Variants in HPRT1 observed in about 807,000 individuals in gnomAD.
HPRT1 encodes hypoxanthine-guanine phosphoribosyltransferase.
A neutral mutation model predicts 19.0 loss-of-function variants in HPRT1; 4 were observed. The ratio of observed to expected loss-of-function variants is 0.21; its 90% CI spans 0.10 to 0.48. The LOEUF (loss-of-function observed/expected upper bound fraction) is 0.48. Ranked by LOEUF, HPRT1 falls within the 20% of genes least tolerant of loss-of-function variation. HPRT1 has a pLI of 0.98. For missense variants in HPRT1, 65 were observed against 164.0 expected (o/e 0.40, Z 3.30); for synonymous variants, 53 against 54.9 (o/e 0.97, Z 0.15).
At chrX:134,465,990 C>T (rs17882760) in intron 1 of HPRT1, among the ~76,000 whole-genome samples, 120 of 110,235 alleles carry the variant, frequency 1.1e-3, no homozygotes, top group Non-Finnish European at 1.8e-3. Context: ...TGTCCTCCCA[C>T]ACCCCCCCCA....
At chrX:134,486,758 C>T (rs2077654466) in intron 4 of HPRT1, 1 of 342,809 alleles carries the variant, frequency 2.9e-6, no homozygotes, top group Non-Finnish European at 5.3e-6. Flanking sequence ...TGCTGTCTGC[C>T]TCTGTGGGAC....
chrX:134,460,347 C>A lies in HPRT1; in HGVS notation c.27+9C>A. 9.0e-7 allele frequency: 1 copy of A among 1,115,035 alleles called. No homozygotes were observed. The allele number at this position is 1,115,035 out of a possible 1,213,427, so 91.9% of individuals were successfully genotyped here. A position where few individuals can be genotyped will look rare whatever the true frequency, so the allele number is the denominator to read the frequency against. ...GCAGCCCTGGCGTCGTGGTGAGCAG[C>A]TCGGCCTGCCGGCCCTGGCCGGTTC... is the stretch of plus-strand genomic sequence containing the variant. On this transcript the variant is annotated intron_variant, in intron 1 of 8. Transcript: ENST00000298556.
chrX:134,491,008 A>G (rs371758118), intron 5 of HPRT1, among the ~76,000 whole-genome samples: 26 of 103,703 alleles, frequency 2.5e-4, no homozygotes, highest in South Asian at 2.2e-3. Context: ...CTCTCTATGT[A>G]TATATATATA....
At chrX:134,471,432 G>A (rs1384719347) in intron 1 of HPRT1, among the ~76,000 whole-genome samples, 1 of 111,227 alleles carries the variant, frequency 9.0e-6, no homozygotes, top group South Asian at 3.7e-4. Context: ...GACATACCAA[G>A]ACAACCAATA....
rs776530621 is a variant in HPRT1, at chrX:134,475,509, A to C, written c.318+145A>C. ...ACATATTCACTAGTACTTTACATCA[A>C]AGCCAATACTGTTTTTTTAAAACTA... is the stretch of plus-strand genomic sequence containing the variant. On this transcript the variant is annotated intron_variant, in intron 3 of 8. Coordinates refer to ENST00000298556, the MANE Select transcript of HPRT1 (RefSeq NM_000194.3). 1.1e-5 allele frequency: 5 copies of C among 440,127 alleles called. No homozygotes were observed. The East Asian group carries it at 1.9e-4, about 17-fold the overall frequency. The allele number at this position is 440,127 out of a possible 1,213,427, so 36.3% of individuals were successfully genotyped here.
intron 1 of HPRT1, among the ~76,000 whole-genome samples, chrX:134,472,803 G>A (rs975581559): frequency 1.2e-4 from 13 of 111,554 alleles, no homozygotes; most frequent in African/African-American, 4.2e-4. Context: ...TGGAACTCCT[G>A]ACCTCAGGTG....
intron 2 of HPRT1, among the ~76,000 whole-genome samples, chrX:134,474,420 C>CTTTT (rs5903877): frequency 1.7e-4 from 16 of 94,722 alleles, no homozygotes; most frequent in Non-Finnish European, 2.1e-5. Flanking sequence ...CAATTTGTCT[C>CTTTT]TTTTTTTTTT....
chrX:134,472,480 G>A (rs1237715740), intron 1 of HPRT1, among the ~76,000 whole-genome samples: 1 of 111,900 alleles, frequency 8.9e-6, no homozygotes, highest in Non-Finnish European at 1.9e-5. Context: ...TTCTCTTTGT[G>A]ACCTAAAGGA....
intron 1 of HPRT1, among the ~76,000 whole-genome samples, chrX:134,468,411 G>A (rs1031505103): frequency 9.4e-6 from 1 of 106,890 alleles, no homozygotes; most frequent in East Asian, 3.0e-4. Flanking sequence ...TCAGGAGATC[G>A]AGACCATCCT....
At chrX:134,485,424 T>C (rs868546763) in intron 3 of HPRT1, among the ~76,000 whole-genome samples, 10 of 112,121 alleles carry the variant, frequency 8.9e-5, no homozygotes, top group African/African-American at 1.6e-4. Flanking sequence ...AAAAATTCTC[T>C]ATTTTCTTCC....
In HPRT1 at chrX:134,460,225, C is replaced by G; in HGVS notation, c.-87C>G. 9.9e-7 allele frequency: 1 copy of G among 1,009,364 alleles called. No homozygotes were observed. The highest frequency in any genetic ancestry group is 2.0e-5 in the African/African-American group (1 of 50,502). The allele number at this position is 1,009,364 out of a possible 1,213,427, so 83.2% of individuals were successfully genotyped here. On this transcript the variant is annotated 5_prime_UTR_variant, in exon 1 of 9. Coordinates refer to ENST00000298556, the MANE Select transcript of HPRT1 (RefSeq NM_000194.3). ...CTCTCGGCTTTCCCGCGCGGCGCCG[C>G]CTCTTGCTGCGCCTCCGCCTCCTCC... is the stretch of plus-strand genomic sequence containing the variant.
Position 134,492,048 on chromosome X carries a change from C to CAT in HPRT1, c.403-1446_403-1445dup, listed in dbSNP as rs1391961210. Among the ~76,000 whole-genome samples the CAT allele has an allele frequency of 3.0e-3, 282 of 92,799 alleles. 5 individuals are homozygous for CAT. Among genetic ancestry groups the CAT allele is most frequent in the African/African-American group, 4.2e-3 (100 of 24,026 alleles). The allele number at this position is 92,799 out of a possible 115,157, so 80.6% of individuals were successfully genotyped here. A position where few individuals can be genotyped will look rare whatever the true frequency, so the allele number is the denominator to read the frequency against. On this transcript the variant is annotated intron_variant, in intron 5 of 8. Coordinates refer to ENST00000298556, the MANE Select transcript of HPRT1 (RefSeq NM_000194.3). ...ATATATATATATACACACACACACA[C>CAT]ATATATATATATATAGTTTTTTTTT...
rs756708595 is a variant in HPRT1 at position 134,474,020 on chromosome X, G to A, written c.134+555G>A. Among the ~76,000 whole-genome samples, 3 of 112,053 alleles carry A rather than the reference G, an allele frequency of 2.7e-5. No homozygotes were observed. The South Asian group carries it at 1.1e-3, about 41-fold the overall frequency. ...GCCTTCTGTACACATTTCTTCTCAA[G>A]CACTGGCTATGCATGTATACTATAT... is the stretch of plus-strand genomic sequence containing the variant. On this transcript the variant is annotated intron_variant, in intron 2 of 8. Transcript: ENST00000298556.
intron 2 of HPRT1, among the ~76,000 whole-genome samples, chrX:134,474,588 ATTTTTAT>A (rs1053683208): frequency 9.2e-6 from 1 of 109,184 alleles, no homozygotes; most frequent in African/African-American, 3.3e-5. Context: ...CCCAGCTAAT[ATTTTTAT>A]TTTGTAGAAA....
At chrX:134,483,843 C>T (rs73557324) in intron 3 of HPRT1, among the ~76,000 whole-genome samples, 1,596 of 111,694 alleles carry the variant, frequency 0.014, 32 homozygotes, top group African/African-American at 0.049. Context: ...TTATTAGCTT[C>T]CATGGTGGCT....
rs918148682 is a variant in HPRT1 at position 134,486,449 on chromosome X, T to A, written c.319-16T>A. The A allele has an allele frequency of 1.0e-6, 1 of 991,288 alleles. No homozygotes were observed. Among genetic ancestry groups the A allele is most frequent in the African/African-American group, 2.0e-5 (1 of 50,705 alleles). The allele number at this position is 991,288 out of a possible 1,213,427, so 81.7% of individuals were successfully genotyped here. ...TGTAGATATATATATATATAGTTTT[T>A]TTTTTTTTTAACTAGAATGACCAGT... is the stretch of plus-strand genomic sequence containing the variant. On this transcript the variant is annotated splice_polypyrimidine_tract_variant and intron_variant, in intron 3 of 8. Coordinates refer to ENST00000298556, the MANE Select transcript of HPRT1 (RefSeq NM_000194.3).
At chrX:134,472,854 C>A (rs1165576518) in intron 1 of HPRT1, among the ~76,000 whole-genome samples, 1 of 110,235 alleles carries the variant, frequency 9.1e-6, no homozygotes, top group South Asian at 3.8e-4. Context: ...GGATTACAGG[C>A]GTGAGCCACC....
At chrX:134,460,412 G>A in intron 1 of HPRT1, 74 bp downstream of exon 1, 1 of 889,696 alleles carries the variant, frequency 1.1e-6, no homozygotes, top group Non-Finnish European at 1.4e-6. Context: ...CTGAGGCGCG[G>A]GATCCGCAGT....
rs559537356 is a variant in HPRT1 at position 134,488,852 on chromosome X, G to C, written c.385-1336G>C. Among the ~76,000 whole-genome samples the C allele has an allele frequency of 1.6e-4, 18 of 111,794 alleles. 1 individual carries two copies. In the South Asian group the frequency reaches 6.7e-3, roughly 42 times the overall value. ...GTTACTCATTTGCTGTGTGCCTTTG[G>C]ATTGACCCTATTTTTTGTATTCATT... On this transcript the variant is annotated intron_variant, in intron 4 of 8. Coordinates refer to ENST00000298556, the MANE Select transcript of HPRT1 (RefSeq NM_000194.3).
Sources: allele counts gnomAD v4.1 joint callset (sites outside exome capture counted in the v4.1 genomes callset), GRCh38; gene constraint gnomAD v4.1.1; transcripts MANE v1.5; gene names NCBI Gene and HGNC (gene_info 2026-07-23, HGNC 2026-07-21).